The following ETFA variants were observed in gnomAD, a reference collection of about 807,000 sequenced individuals.
ETFA encodes electron transfer flavoprotein subunit alpha, also known as electron transfer flavoprotein subunit alpha, mitochondrial.
Under a neutral mutation model 46.2 loss-of-function variants are expected in ETFA, and 22 were observed. That is an observed-to-expected ratio of 0.48 (90% CI 0.34 to 0.68). ETFA has a LOEUF of 0.68. Ranked by LOEUF, ETFA falls within the 30% of genes least tolerant of loss-of-function variation. The pLI, the probability that ETFA is intolerant of heterozygous loss-of-function variation, is 0.01. For missense variants in ETFA, 345 were observed against 401.1 expected (o/e 0.86, Z 1.19); for synonymous variants, 131 against 139.9 (o/e 0.94, Z 0.45).
At chr15:76,224,557 ACACT>A (rs1281412389) in intron 11 of ETFA, among the ~76,000 whole-genome samples, 1 of 152,178 alleles carries the variant, frequency 6.6e-6, no homozygotes, top group East Asian at 1.9e-4. Context: ...CTCTCCAAGC[ACACT>A]CACTAGGTTC....
At chr15:76,288,120 G>C (rs1163538162) in intron 4 of ETFA, among the ~76,000 whole-genome samples, 175 bp from the exon 5 acceptor site, 1 of 152,148 alleles carries the variant, frequency 6.6e-6, no homozygotes, top group Non-Finnish European at 1.5e-5. Context: ...AATAGCCTTT[G>C]AGATTGAGTA....
intron 7 of ETFA, chr15:76,284,675 A>G (rs1467119798): frequency 6.2e-6 from 1 of 162,412 alleles, no homozygotes; most frequent in Non-Finnish European, 1.3e-5. Flanking sequence ...TATTTTTAAT[A>G]GAGACGGGGT....
chr15:76,253,534 G>A (rs562358536), intron 9 of ETFA, among the ~76,000 whole-genome samples: 1 of 152,210 alleles, frequency 6.6e-6, no homozygotes, highest in African/African-American at 2.4e-5. Context: ...AAGTTGAAAG[G>A]AAAGTAGAAA....
Position 76,295,764 on chromosome 15 carries a change from A to T in ETFA, c.40-27T>A, listed in dbSNP as rs1203551899. The T allele has an allele frequency of 2.5e-6, 4 of 1,599,372 alleles. No homozygotes were observed. In the Admixed American group the frequency reaches 5.1e-5, roughly 20 times the overall value. On this transcript the variant is annotated intron_variant, in intron 1 of 11. Coordinates refer to ENST00000557943, the MANE Select transcript of ETFA (RefSeq NM_000126.4). Reference sequence around the variant, plus strand: ...TAAAAAGAGCAAAAAGGAAAAAAAAAGGTAAAGAATGTTGTCACAGGGTTT... The same window carrying T: ...TAAAAAGAGCAAAAAGGAAAAAAAATGGTAAAGAATGTTGTCACAGGGTTT...
At chr15:76,298,879 G>C (rs544682327) in intron 1 of ETFA, among the ~76,000 whole-genome samples, 1 of 152,088 alleles carries the variant, frequency 6.6e-6, no homozygotes, top group Admixed American at 6.5e-5. Flanking sequence ...TTAAGCAGAA[G>C]AGTAGTACAG....
chr15:76,308,337 C>T (rs980787531), intron 1 of ETFA, among the ~76,000 whole-genome samples: 1 of 152,040 alleles, frequency 6.6e-6, no homozygotes, highest in Non-Finnish European at 1.5e-5. Flanking sequence ...TTAAAAATTA[C>T]AAAAGGAGGA....
chr15:76,297,375 AAATT>A (rs1177899624), intron 1 of ETFA, among the ~76,000 whole-genome samples: 5 of 151,330 alleles, frequency 3.3e-5, no homozygotes, highest in African/African-American at 1.2e-4. Flanking sequence ...TAATTAAATA[AAATT>A]AATAAAATAA....
At chr15:76,219,728 T>C (rs1596185372) in intron 11 of ETFA, among the ~76,000 whole-genome samples, 1 of 152,236 alleles carries the variant, frequency 6.6e-6, no homozygotes, top group African/African-American at 2.4e-5. Flanking sequence ...CATATGCTTA[T>C]GTGCTTAACA....
In ETFA at chr15:76,235,894, T is replaced by C. The variant is rs560166027; in HGVS notation, c.817-4496A>G. Among the ~76,000 whole-genome samples, 38 of 152,320 alleles carry C rather than the reference T, an allele frequency of 2.5e-4. 1 individual carries two copies. The South Asian group carries it at 7.7e-3, about 31-fold the overall frequency. On this transcript the variant is annotated intron_variant, in intron 9 of 11. Coordinates refer to ENST00000557943, the MANE Select transcript of ETFA (RefSeq NM_000126.4). ...TCTGTTCCTGCTCCCTTAAGTCCTT[T>C]AGACAAAACAAGCTTTTAAAGCAGG... is the stretch of plus-strand genomic sequence containing the variant.
At chr15:76,305,725 A>AT (rs1218812650) in intron 1 of ETFA, among the ~76,000 whole-genome samples, 1 of 151,940 alleles carries the variant, frequency 6.6e-6, no homozygotes, top group Admixed American at 6.6e-5. Context: ...CTCACCTTCC[A>AT]TTTTTTCAGT....
chr15:76,286,484 G>A lies in ETFA; in HGVS notation c.452-3C>T. 6.3e-7 allele frequency: 1 copy of A among 1,587,338 alleles called. No individual in the cohort carries two copies. Among genetic ancestry groups the A allele is most frequent in the Non-Finnish European group, 8.7e-7 (1 of 1,156,032 alleles). ...CTTCACTGTACATAGAGCATTTCCTGAAACATACAATCTATTTCTTAAAAG... is the reference window on the plus strand; with the variant it reads ...CTTCACTGTACATAGAGCATTTCCTAAAACATACAATCTATTTCTTAAAAG... On this transcript the variant is annotated splice_region_variant and splice_polypyrimidine_tract_variant and intron_variant, in intron 5 of 11. Transcript: ENST00000557943.
chr15:76,296,467 C>T (rs1463942396), intron 1 of ETFA, among the ~76,000 whole-genome samples: 2 of 152,142 alleles, frequency 1.3e-5, no homozygotes, highest in Non-Finnish European at 2.9e-5. Context: ...TGTACTCCTA[C>T]AGTATAGGAG....
chr15:76,228,099 G>A, intron 10 of ETFA: 1 of 390,162 alleles, frequency 2.6e-6, no homozygotes, highest in South Asian at 1.9e-5. Context: ...AGTTATTGAT[G>A]GTAAATTATT....
At chr15:76,224,998 T>C (rs1386547810) in intron 11 of ETFA, among the ~76,000 whole-genome samples, 1 of 151,374 alleles carries the variant, frequency 6.6e-6, no homozygotes, top group Non-Finnish European at 1.5e-5. Context: ...AAGTGAAGAG[T>C]GTGAGGAGTG....
chr15:76,260,192 C>T lies in ETFA; in HGVS notation c.816+14220G>A, dbSNP rs563863985. 67 of 1,407,810 alleles carry T rather than the reference C, an allele frequency of 4.8e-5. No individual in the cohort carries two copies. The African/African-American group carries it at 8.5e-4, about 18-fold the overall frequency. The allele number at this position is 1,407,810 out of a possible 1,614,324, so 87.2% of individuals were successfully genotyped here. The stretch of plus-strand genomic sequence containing the variant: ...GGATGAGCACATCCTCCAGTTTTTC[C>T]TTTAGTTCGCTGTTGATGCCCAAGC... On this transcript the variant is annotated intron_variant, in intron 9 of 11. Coordinates refer to ENST00000557943, the MANE Select transcript of ETFA (RefSeq NM_000126.4).
intron 9 of ETFA, among the ~76,000 whole-genome samples, chr15:76,258,376 C>T (rs2039367591): frequency 6.6e-6 from 1 of 151,998 alleles, no homozygotes; most frequent in Non-Finnish European, 1.5e-5. Flanking sequence ...TTTGTGTGAC[C>T]CGGTCAGCTG....
intron 4 of ETFA, among the ~76,000 whole-genome samples, chr15:76,291,616 G>A (rs1358901597): frequency 1.3e-5 from 2 of 151,728 alleles, no homozygotes; most frequent in Non-Finnish European, 2.9e-5. Context: ...CGGGCGAGCT[G>A]GCGGGCGCCT....
intron 10 of ETFA, among the ~76,000 whole-genome samples, chr15:76,226,736 G>A (rs1027928384): frequency 4.0e-5 from 6 of 151,882 alleles, no homozygotes; most frequent in South Asian, 2.1e-4. Flanking sequence ...AAAATTAGCC[G>A]GGCGTGGTGG....
In ETFA at chr15:76,215,820, A is replaced by G. The variant is rs1319690340; in HGVS notation, c.*739T>C. On this transcript the variant is annotated 3_prime_UTR_variant, in exon 12 of 12. Coordinates refer to ENST00000557943, the MANE Select transcript of ETFA (RefSeq NM_000126.4). ...GCACAGGATTTTGAATGTTTATAAT[A>G]ACATCAAACTATCTGCTTGCATCAG... 6.6e-6 allele frequency: 1 copy of G among 152,238 alleles called. No individual in the cohort carries two copies. The highest frequency in any genetic ancestry group is 1.5e-5 in the Non-Finnish European group (1 of 68,084). The allele number at this position is 152,238 out of a possible 1,614,324, so 9.4% of individuals were successfully genotyped here.
Sources: gnomAD v4.1 joint callset for allele counts (sites outside exome capture counted in the v4.1 genomes callset) on GRCh38, gnomAD v4.1.1 for gene constraint, MANE v1.5 for transcripts, NCBI Gene and HGNC (gene_info 2026-07-23, HGNC 2026-07-21) for gene names.